WDR18: variants seen among roughly 807,000 people sequenced by gnomAD.
WDR18 encodes the protein WD repeat domain 18, also known as WD repeat-containing protein 18.
WDR18 carries 33 observed loss-of-function variants against 49.6 expected under a neutral mutation model. That is an observed-to-expected ratio of 0.67 (90% CI 0.50 to 0.89). WDR18 has a LOEUF of 0.89. Ranked by LOEUF, WDR18 falls within the 40% of genes least tolerant of loss-of-function variation. WDR18 has a pLI of 0.00. For synonymous variants in WDR18, 315 were observed against 263.6 expected, an observed-to-expected ratio of 1.19 and a Z score of -1.89; for missense variants, 653 against 593.6, an observed-to-expected ratio of 1.10 and a Z score of -1.04.
At chr19:993,655 T>C (rs546424756) in intron 8 of WDR18, among the ~76,000 whole-genome samples, 78 of 152,346 alleles carry the variant, frequency 5.1e-4, no homozygotes, top group African/African-American at 1.8e-3. Flanking sequence ...AGGTGCTCAC[T>C]GTCTGTGAGG....
chr19:993,890 TTCTG>T (rs2038594294), intron 8 of WDR18, 126 bp from the exon 9 acceptor site: 1 of 1,018,190 alleles, frequency 9.8e-7, no homozygotes, highest in Admixed American at 2.2e-5. Context: ...CAGTCTTCCC[TTCTG>T]TCTGTGGGCG....
rs1242367063 is a variant in WDR18, at chr19:991,012, G to T, written c.741+17G>T. 3 of 1,603,206 alleles carry T rather than the reference G, an allele frequency of 1.9e-6. No individual in the cohort carries two copies. Among genetic ancestry groups the T allele is most frequent in the Non-Finnish European group, 2.6e-6 (3 of 1,174,220 alleles). ...TTCACCTGGGTGAGTGCCGCGGTCT[G>T]CGGGCTGCACCCTGCCCTGGGGCTG... On this transcript the variant is annotated intron_variant, in intron 5 of 9. Coordinates refer to ENST00000585809, the MANE Select transcript of WDR18 (RefSeq NM_024100.4).
intron 5 of WDR18, 24 bp downstream of exon 5, chr19:991,019 G>A (rs1215104373): frequency 6.2e-7 from 1 of 1,601,246 alleles, no homozygotes; most frequent in Middle Eastern, 1.7e-4. Flanking sequence ...TCTGCGGGCT[G>A]CACCCTGCCC....
Position 991,371 on chromosome 19 carries a change from G to GC in WDR18, c.931+23dup. ...TCAAAGGTGGGCGCGCCTCTGCTCG[G>GC]CCCGCGGCCAGCGCGCAGGGGAAAA... On this transcript the variant is annotated intron_variant, in intron 7 of 9. Coordinates refer to ENST00000585809, the MANE Select transcript of WDR18 (RefSeq NM_024100.4). The GC allele has an allele frequency of 2.0e-6, 3 of 1,518,862 alleles. No individual in the cohort carries two copies. Among genetic ancestry groups the GC allele is most frequent in the Non-Finnish European group, 2.7e-6 (3 of 1,130,940 alleles). 94.1% of individuals were successfully genotyped at this position (1,518,862 alleles called of 1,614,324 possible).
At position 989,901 on chromosome 19, in the gene WDR18, G is replaced by A. The variant is rs557555566; in HGVS notation, c.455+6G>A. On this transcript the variant is annotated splice_donor_region_variant and intron_variant, in intron 3 of 9. Coordinates refer to ENST00000585809, the MANE Select transcript of WDR18 (RefSeq NM_024100.4). The stretch of plus-strand genomic sequence containing the variant: ...CTGGTTTGGAGCCTCTGCAGGTAGC[G>A]CCTTGCGCACTCAGGCCTGCACCTG... 6.6e-5 allele frequency: 106 copies of A among 1,600,620 alleles called. No individual in the cohort carries two copies. The African/African-American group carries it at 9.4e-4, about 14-fold the overall frequency.
At chr19:992,177 G>T in intron 8 of WDR18, 56 bp downstream of exon 8, 5 of 1,395,708 alleles carry the variant, frequency 3.6e-6, no homozygotes, top group Non-Finnish European at 4.6e-6. Context: ...GACCCCGCGG[G>T]CCCTGGGCTC....
chr19:994,516 C>A lies in WDR18; in HGVS notation c.*172C>A. ...TCTTGGTGTCTCGTGGCACGCGTCA[C>A]AGTGGTGCTAGTCTGTTTTTAACAA... On this transcript the variant is annotated 3_prime_UTR_variant, in exon 10 of 10. Transcript: ENST00000585809. 1 of 916,056 alleles carries A rather than the reference C, an allele frequency of 1.1e-6. No individual in the cohort carries two copies. Among genetic ancestry groups the A allele is most frequent in the South Asian group, 1.8e-5 (1 of 56,840 alleles). 56.7% of individuals were successfully genotyped at this position (916,056 alleles called of 1,614,324 possible).
chr19:986,091 C>A, intron 2 of WDR18, 116 bp downstream of exon 2: 1 of 933,236 alleles, frequency 1.1e-6, no homozygotes, highest in South Asian at 1.5e-5. Context: ...GGTGACTGCT[C>A]AGGGGTTATA....
At chr19:993,967 G>A (rs2038595488) in intron 8 of WDR18, 53 bp from the exon 9 acceptor site, 14 of 1,540,208 alleles carry the variant, frequency 9.1e-6, no homozygotes, top group East Asian at 2.4e-5. Flanking sequence ...TGGGCAAAGC[G>A]TGTGGTGTGT....
rs925735507 is a variant in WDR18 at position 994,534 on chromosome 19, T to A, written c.*190T>A. On this transcript the variant is annotated 3_prime_UTR_variant, in exon 10 of 10. Transcript: ENST00000585809. Reference sequence around the variant, plus strand: ...CGCGTCACAGTGGTGCTAGTCTGTTTTTAACAAAAGAGGATGAAAAGCCCC... The same window carrying A: ...CGCGTCACAGTGGTGCTAGTCTGTTATTAACAAAAGAGGATGAAAAGCCCC... 1.2e-5 allele frequency: 10 copies of A among 834,338 alleles called. No individual in the cohort carries two copies. The highest frequency in any genetic ancestry group is 1.6e-5 in the Non-Finnish European group (9 of 554,412). 51.7% of individuals were successfully genotyped at this position (834,338 alleles called of 1,614,324 possible).
intron 1 of WDR18, among the ~76,000 whole-genome samples, 175 bp downstream of exon 1, chr19:984,738 G>C (rs115477202): frequency 2.2e-4 from 34 of 151,326 alleles, no homozygotes; most frequent in African/African-American, 8.3e-4. Context: ...AGATACGTGC[G>C]ACCTGTTAGG....
At chr19:983,561 C>CTT (rs34868789), upstream of WDR18, among the ~76,000 whole-genome samples, 123 of 141,992 alleles carry the variant, frequency 8.7e-4, no homozygotes, top group Non-Finnish European at 1.2e-3. Context: ...AGCGCCCGGC[C>CTT]TTTTTTTTTT....
At position 994,353 on chromosome 19, in the gene WDR18, G is replaced by A. The variant is rs1285594819; in HGVS notation, c.*9G>A. On this transcript the variant is annotated 3_prime_UTR_variant, in exon 10 of 10. Coordinates refer to ENST00000585809, the MANE Select transcript of WDR18 (RefSeq NM_024100.4). ...CGCGGCCGGCCAAGTGAGGCCCGGA[G>A]ACCCCGGCCCGAGGCGCCCAGGCCT... The A allele has an allele frequency of 2.5e-6, 4 of 1,605,740 alleles. No homozygotes were observed. The highest frequency in any genetic ancestry group is 2.2e-5 in the South Asian group (2 of 90,352).
At chr19:984,988 C>T (rs567323439) in intron 1 of WDR18, among the ~76,000 whole-genome samples, 61 of 152,194 alleles carry the variant, frequency 4.0e-4, no homozygotes, top group Middle Eastern at 3.4e-3. Context: ...CATGTTTATT[C>T]CTCCAATAAA....
At chr19:993,980 CAG>C in intron 8 of WDR18, 38 bp from the exon 9 acceptor site, 1 of 1,546,124 alleles carries the variant, frequency 6.5e-7, no homozygotes, top group Non-Finnish European at 8.7e-7. Flanking sequence ...TGGTGTGTGA[CAG>C]GACGCGCCCC....
chr19:991,520 T>C (rs1277843583), intron 7 of WDR18, among the ~76,000 whole-genome samples, 169 bp downstream of exon 7: 1 of 15,990 alleles, frequency 6.3e-5, no homozygotes, highest in Non-Finnish European at 1.2e-4. Flanking sequence ...GGACTGGCTG[T>C]GGGGCGTGGG....
At chr19:984,085 AC>A (rs1382226507), upstream of WDR18, among the ~76,000 whole-genome samples, 1 of 152,154 alleles carries the variant, frequency 6.6e-6, no homozygotes, top group Non-Finnish European at 1.5e-5. Context: ...CAAGTCAGGT[AC>A]CCCGGCTCTA....
intron 2 of WDR18, among the ~76,000 whole-genome samples, chr19:989,201 C>A (rs1389118382): frequency 9.0e-5 from 13 of 144,868 alleles, no homozygotes; most frequent in African/African-American, 3.3e-4. Context: ...CAACCCCCCC[C>A]AGAGCATCTC....
chr19:994,413 G>C lies in WDR18; in HGVS notation c.*69G>C. 6.5e-7 allele frequency: 1 copy of C among 1,536,332 alleles called. No individual in the cohort carries two copies. The highest frequency in any genetic ancestry group is 8.7e-7 in the Non-Finnish European group (1 of 1,143,576). On this transcript the variant is annotated 3_prime_UTR_variant, in exon 10 of 10. Transcript: ENST00000585809. The stretch of plus-strand genomic sequence containing the variant: ...GCCTCCCAGCAACCAGGGCCCGCGG[G>C]TGTGGCCCCCACCAGCCCAGGCCTG...
Sources: allele counts gnomAD v4.1 joint callset (sites outside exome capture counted in the v4.1 genomes callset), GRCh38; gene constraint gnomAD v4.1.1; transcripts MANE v1.5; gene names NCBI Gene and HGNC (gene_info 2026-07-23, HGNC 2026-07-21).